Variants in PPP1R3A observed in about 807,000 individuals in gnomAD.
PPP1R3A encodes the protein protein phosphatase 1 regulatory subunit 3A.
A neutral mutation model predicts 41.7 loss-of-function variants in PPP1R3A; 29 were observed. The observed-to-expected ratio is 0.70, with a 90% CI of 0.52 to 0.95. The LOEUF (loss-of-function observed/expected upper bound fraction) is 0.95, where lower values mean the gene tolerates loss of function less well. PPP1R3A is among the 40% of genes least tolerant of loss of function. The pLI is 0.00. For synonymous variants in PPP1R3A, 485 were observed against 453.4 expected, an observed-to-expected ratio of 1.07 and a Z score of -0.89; for missense variants, 1,352 against 1,292.4, an observed-to-expected ratio of 1.05 and a Z score of -0.71.
chr7:113,879,746 C>A lies in PPP1R3A; in HGVS notation c.1346G>T (p.Gly449Val). Residue 449 changes from glycine to valine, a missense_variant, in exon 4 of 4, where the codon GGC becomes GTC. Gly to Val is a moderately radical substitution (Grantham distance 109). Transcript: ENST00000284601. Reference protein sequence around the residue: ...DDNANPAHGNGTVQIPCPSSD... With the variant: ...DDNANPAHGNVTVQIPCPSSD... ...AGAGGGGCAAGGTATTTGCACTGTG[C>A]CATTGCCATGGGCTGGATTAGCATT... 5 of 1,613,186 alleles carry A rather than the reference C, an allele frequency of 3.1e-6. No homozygotes were observed. The highest frequency in any genetic ancestry group is 4.2e-6 in the Non-Finnish European group (5 of 1,179,666).
At chr7:113,901,550 A>G (rs1438149051) in intron 1 of PPP1R3A, among the ~76,000 whole-genome samples, 1 of 151,840 alleles carries the variant, frequency 6.6e-6, no homozygotes, top group East Asian at 1.9e-4. Flanking sequence ...AATGGGTTAA[A>G]GTAGGAATGT....
chr7:113,908,986 T>G (rs941540751), intron 1 of PPP1R3A, among the ~76,000 whole-genome samples: 1 of 151,862 alleles, frequency 6.6e-6, no homozygotes, highest in East Asian at 2.0e-4. Flanking sequence ...CAGGGGACGA[T>G]AGAATTATGA....
intron 1 of PPP1R3A, among the ~76,000 whole-genome samples, chr7:113,892,475 GACTTAT>G (rs1184319848): frequency 3.3e-5 from 5 of 152,114 alleles, no homozygotes; most frequent in East Asian, 1.9e-4. Flanking sequence ...AGAAAGTAAA[GACTTAT>G]ACTTAACAAT....
At chr7:113,896,627 G>T (rs985023427) in intron 1 of PPP1R3A, among the ~76,000 whole-genome samples, 29 of 151,830 alleles carry the variant, frequency 1.9e-4, no homozygotes, top group African/African-American at 7.0e-4. Flanking sequence ...AAACATAGTG[G>T]AATGGAATAC....
intron 1 of PPP1R3A, among the ~76,000 whole-genome samples, chr7:113,911,462 T>C (rs113895323): frequency 1.4e-4 from 21 of 152,068 alleles, no homozygotes; most frequent in African/African-American, 4.6e-4. Context: ...AGAAGAGAAT[T>C]ATATAAACTT....
intron 1 of PPP1R3A, among the ~76,000 whole-genome samples, chr7:113,892,888 A>C (rs978721469): frequency 1.1e-4 from 17 of 152,212 alleles, no homozygotes; most frequent in African/African-American, 3.8e-4. Flanking sequence ...ACAGTAAGGC[A>C]CATCGTTTTG....
intron 1 of PPP1R3A, among the ~76,000 whole-genome samples, chr7:113,895,163 T>A (rs1420275364): frequency 6.6e-6 from 1 of 151,978 alleles, no homozygotes; most frequent in Admixed American, 6.6e-5. Context: ...AAACTTCAAC[T>A]TTTTTTCCCA....
intron 1 of PPP1R3A, among the ~76,000 whole-genome samples, chr7:113,917,803 T>G (rs1333884940): frequency 6.6e-6 from 1 of 152,116 alleles, no homozygotes. Flanking sequence ...AGATACATAT[T>G]GAAATATAGT....
chr7:113,886,055 A>C (rs1489072024), intron 1 of PPP1R3A, among the ~76,000 whole-genome samples: 1 of 151,578 alleles, frequency 6.6e-6, no homozygotes, highest in Non-Finnish European at 1.5e-5. Context: ...TTATACTGCT[A>C]AGATTTATCC....
In PPP1R3A at chr7:113,893,658, G is replaced by A. The variant is rs186376543; in HGVS notation, c.783-11338C>T. Among the ~76,000 whole-genome samples the A allele has an allele frequency of 6.5e-3, 991 of 152,098 alleles. 6 individuals are homozygous for A. Among genetic ancestry groups the A allele is most frequent in the Non-Finnish European group, 0.011 (734 of 67,960 alleles). Reference sequence around the variant, plus strand: ...GGGGAAACTGTACTAAACTGCTCAAGCATTCAAGTAACTTAGAACATACCA... The same window carrying A: ...GGGGAAACTGTACTAAACTGCTCAAACATTCAAGTAACTTAGAACATACCA... On this transcript the variant is annotated intron_variant, in intron 1 of 3. Transcript: ENST00000284601.
chr7:113,880,275 C>G (rs1796670053), intron 3 of PPP1R3A, 150 bp from the exon 4 acceptor site: 1 of 842,008 alleles, frequency 1.2e-6, no homozygotes, highest in East Asian at 2.7e-5. Context: ...ACTCTGGAAG[C>G]CAGATGTTTT....
chr7:113,907,931 G>A (rs1222694775), intron 1 of PPP1R3A, among the ~76,000 whole-genome samples: 1 of 151,792 alleles, frequency 6.6e-6, no homozygotes, highest in African/African-American at 2.4e-5. Flanking sequence ...TGCATCAGAT[G>A]TAATAGTGAC....
chr7:113,910,816 A>T (rs1797232604), intron 1 of PPP1R3A, among the ~76,000 whole-genome samples: 2 of 152,138 alleles, frequency 1.3e-5, no homozygotes, highest in African/African-American at 2.4e-5. Flanking sequence ...AATACCACGG[A>T]TGATATTCTG....
At chr7:113,891,854 G>T (rs534555510) in intron 1 of PPP1R3A, among the ~76,000 whole-genome samples, 1 of 152,080 alleles carries the variant, frequency 6.6e-6, no homozygotes, top group Non-Finnish European at 1.5e-5. Flanking sequence ...ACCTCTTAAA[G>T]ATCTATGCCA....
At chr7:113,905,590 T>A (rs1468664122) in intron 1 of PPP1R3A, among the ~76,000 whole-genome samples, 1 of 151,702 alleles carries the variant, frequency 6.6e-6, no homozygotes, top group African/African-American at 2.4e-5. Context: ...CACAATAGAG[T>A]GTAGTAGACA....
intron 1 of PPP1R3A, among the ~76,000 whole-genome samples, chr7:113,899,417 T>C (rs1797028734): frequency 6.6e-6 from 1 of 151,828 alleles, no homozygotes; most frequent in African/African-American, 2.4e-5. Flanking sequence ...GAGCAAAGTA[T>C]CTTTAATAAA....
rs139670717 is a variant in PPP1R3A at position 113,918,538 on chromosome 7, A to G, written c.459T>C (p.Phe153=). Residue 153 remains phenylalanine, a synonymous_variant, in exon 1 of 4, where the codon TTT becomes TTC. Coordinates refer to ENST00000284601, the MANE Select transcript of PPP1R3A (RefSeq NM_002711.4). ...KGIIRVLNVS[F]EKLVYVRMSL... Reference sequence around the variant, plus strand: ...ACATTCTTACATATACTAACTTCTCAAAAGAAACATTCAAAACTCGAATAA... The same window carrying G: ...ACATTCTTACATATACTAACTTCTCGAAAGAAACATTCAAAACTCGAATAA... The G allele has an allele frequency of 7.3e-4, 1,172 of 1,613,062 alleles. 10 individuals are homozygous for G. In the African/African-American group the frequency reaches 0.013, roughly 18 times the overall value.
intron 1 of PPP1R3A, among the ~76,000 whole-genome samples, chr7:113,886,489 A>G (rs1015753922): frequency 6.6e-6 from 1 of 152,146 alleles, no homozygotes; most frequent in African/African-American, 2.4e-5. Context: ...CTGTGAGTCC[A>G]TTAAACCTCT....
chr7:113,891,444 C>T (rs1796887147), intron 1 of PPP1R3A, among the ~76,000 whole-genome samples: 1 of 151,964 alleles, frequency 6.6e-6, no homozygotes. Context: ...CTTTAATATT[C>T]AAGGTACTTC....
Sources: gnomAD v4.1 joint callset for allele counts (sites outside exome capture counted in the v4.1 genomes callset) on GRCh38, gnomAD v4.1.1 for gene constraint, MANE v1.5 for transcripts, NCBI Gene and HGNC (gene_info 2026-07-23, HGNC 2026-07-21) for gene names.